DLGAP1: variants seen among roughly 807,000 people sequenced by gnomAD.
The protein encoded by DLGAP1 is disks large-associated protein 1.
DLGAP1 carries 11 observed loss-of-function variants against 90.8 expected under a neutral mutation model. The observed-to-expected ratio is 0.12, with a 90% CI of 0.08 to 0.20. The LOEUF is 0.20. Among genes scored for constraint, DLGAP1 ranks in the 10% least tolerant of loss-of-function variants. The pLI, the probability that DLGAP1 is intolerant of heterozygous loss-of-function variation, is 1.00. For missense variants in DLGAP1, 1,050 were observed against 1,333.8 expected, an observed-to-expected ratio of 0.79 and a Z score of 3.31; for synonymous variants, 558 against 540.7, an observed-to-expected ratio of 1.03 and a Z score of -0.44.
chr18:3,991,086 C>T (rs1435619004), intron 3 of DLGAP1, among the ~76,000 whole-genome samples: 2 of 151,942 alleles, frequency 1.3e-5, no homozygotes, highest in African/African-American at 2.4e-5. Flanking sequence ...ATAATTTTGT[C>T]ACCCAGGTAA....
In DLGAP1 at chr18:4,076,629, TA is replaced by T. The variant is rs983206532; in HGVS notation, c.-158-71429del. Among the ~76,000 whole-genome samples, 22 of 152,094 alleles carry T rather than the reference TA, an allele frequency of 1.4e-4. 1 individual carries two copies. Among genetic ancestry groups the T allele is most frequent in the African/African-American group, 5.1e-4 (21 of 41,520 alleles). On this transcript the variant is annotated intron_variant, in intron 2 of 12. Coordinates refer to ENST00000315677, the MANE Select transcript of DLGAP1 (RefSeq NM_004746.4). ...TTTTCTTTCTTTATAGTATTATTAT[TA>T]TTATTTTTCTTGAGGCAGCATCTTG...
At chr18:3,887,096 G>C (rs1200399874) in intron 3 of DLGAP1, among the ~76,000 whole-genome samples, 1 of 152,200 alleles carries the variant, frequency 6.6e-6, no homozygotes, top group Non-Finnish European at 1.5e-5. Context: ...TCAAGTAAAG[G>C]AAGGGCCTGC....
intron 1 of DLGAP1, among the ~76,000 whole-genome samples, chr18:4,257,773 T>C (rs989911482): frequency 6.6e-6 from 1 of 151,870 alleles, no homozygotes; most frequent in Non-Finnish European, 1.5e-5. Context: ...TATAGATGCA[T>C]GCCACTATGC....
intron 7 of DLGAP1, among the ~76,000 whole-genome samples, chr18:3,616,633 T>C (rs1029208815): frequency 6.6e-6 from 1 of 151,496 alleles, no homozygotes; most frequent in South Asian, 2.1e-4. Flanking sequence ...CGTGCACCTG[T>C]AGTCCCAGCT....
chr18:3,978,915 G>A (rs759246045), intron 3 of DLGAP1, among the ~76,000 whole-genome samples: 1 of 152,180 alleles, frequency 6.6e-6, no homozygotes, highest in African/African-American at 2.4e-5. Flanking sequence ...TGAAGAGTAC[G>A]TGGAAAGTGT....
intron 4 of DLGAP1, among the ~76,000 whole-genome samples, chr18:3,818,030 G>A (rs2067190745): frequency 6.6e-6 from 1 of 151,962 alleles, no homozygotes; most frequent in Non-Finnish European, 1.5e-5. Context: ...GCTTAGGAGG[G>A]GGTTGGACTC....
chr18:4,223,817 G>A (rs897587073), intron 1 of DLGAP1, among the ~76,000 whole-genome samples: 2 of 152,122 alleles, frequency 1.3e-5, no homozygotes, highest in African/African-American at 4.8e-5. Flanking sequence ...AGAGAACAGA[G>A]AAGTAGTCCA....
chr18:3,772,370 T>C (rs1318767642), intron 5 of DLGAP1, among the ~76,000 whole-genome samples: 6 of 14,302 alleles, frequency 4.2e-4, no homozygotes, highest in African/African-American at 7.5e-4. Flanking sequence ...CTTTCTTTCT[T>C]TCTTTCTTTC....
rs374281377 is a variant in DLGAP1 at position 3,502,516 on chromosome 18, G to A, written c.2701C>T (p.Gln901Ter). ...LHQLKANNWK[Q>*]MDPLDKKERR... Reference sequence around the variant, plus strand: ...ACCTTCTTGTCAAGAGGATCCATCTGTTTCCAATTATTGGCCTTTAACTGA... The same window carrying A: ...ACCTTCTTGTCAAGAGGATCCATCTATTTCCAATTATTGGCCTTTAACTGA... The change falls in exon 12 of 13, where the codon CAG becomes TAG. Residue 901 changes from glutamine to a stop codon, truncating the protein, a stop_gained. Coordinates refer to ENST00000315677, the MANE Select transcript of DLGAP1 (RefSeq NM_004746.4). LOFTEE classifies it high-confidence loss of function. 1 of 1,613,976 alleles carries A rather than the reference G, an allele frequency of 6.2e-7. No homozygotes were observed. The highest frequency in any genetic ancestry group is 1.3e-5 in the African/African-American group (1 of 74,906).
chr18:4,112,056 G>A (rs2075982814), intron 2 of DLGAP1, among the ~76,000 whole-genome samples: 1 of 151,532 alleles, frequency 6.6e-6, no homozygotes, highest in Non-Finnish European at 1.5e-5. Flanking sequence ...CTTTTTTAAT[G>A]TAGGCACTTA....
chr18:4,022,481 T>C (rs533641563), intron 2 of DLGAP1, among the ~76,000 whole-genome samples: 1 of 152,162 alleles, frequency 6.6e-6, no homozygotes, highest in South Asian at 2.1e-4. Flanking sequence ...TTAATTTACA[T>C]AGATGATACT....
At chr18:3,600,969 G>GATATAGATATATAGATAT (rs1555695758) in intron 7 of DLGAP1, among the ~76,000 whole-genome samples, 4 of 87,504 alleles carry the variant, frequency 4.6e-5, no homozygotes, top group Non-Finnish European at 7.2e-5. Context: ...TAGATATATA[G>GATATAGATATATAGATAT]ATAGATATAT....
intron 2 of DLGAP1, among the ~76,000 whole-genome samples, chr18:4,128,452 C>T (rs539535713): frequency 5.3e-5 from 8 of 152,288 alleles, no homozygotes; most frequent in Middle Eastern, 3.4e-3. Flanking sequence ...CTGCATGTAT[C>T]TCCTGCAACT....
chr18:3,934,998 C>A (rs2072602199), intron 3 of DLGAP1, among the ~76,000 whole-genome samples: 1 of 152,242 alleles, frequency 6.6e-6, no homozygotes. Context: ...TGTTGTGCCT[C>A]AGATTTTTTA....
intron 5 of DLGAP1, among the ~76,000 whole-genome samples, chr18:3,797,210 T>C (rs1429005278): frequency 6.6e-6 from 1 of 151,942 alleles, no homozygotes; most frequent in African/African-American, 2.4e-5. Context: ...TGCACACCTG[T>C]AGTCCCAGCT....
intron 5 of DLGAP1, among the ~76,000 whole-genome samples, chr18:3,767,763 C>T (rs1475431776): frequency 2.0e-5 from 3 of 151,912 alleles, no homozygotes; most frequent in South Asian, 2.1e-4. Flanking sequence ...GAAATAAGAG[C>T]GAATATCTTC....
intron 4 of DLGAP1, among the ~76,000 whole-genome samples, chr18:3,875,653 T>C (rs1036970246): frequency 2.0e-5 from 3 of 152,180 alleles, no homozygotes; most frequent in Admixed American, 2.0e-4. Flanking sequence ...GAAATATCTC[T>C]AGAATTTTAA....
At chr18:4,164,127 G>T (rs1344195598) in intron 1 of DLGAP1, among the ~76,000 whole-genome samples, 1 of 152,054 alleles carries the variant, frequency 6.6e-6, no homozygotes, top group Non-Finnish European at 1.5e-5. Context: ...CATAGAAGTA[G>T]GCCAGAACCT....
chr18:4,246,971 T>C (rs147651013), intron 1 of DLGAP1, among the ~76,000 whole-genome samples: 1 of 152,326 alleles, frequency 6.6e-6, no homozygotes, highest in Non-Finnish European at 1.5e-5. Flanking sequence ...TAAGCTCTCT[T>C]ATTTTATTCA....
Sources: allele counts gnomAD v4.1 joint callset (sites outside exome capture counted in the v4.1 genomes callset), GRCh38; gene constraint gnomAD v4.1.1; transcripts MANE v1.5; gene names NCBI Gene and HGNC (gene_info 2026-07-23, HGNC 2026-07-21).